The following DPP3 variants were observed in gnomAD, a reference collection of about 807,000 sequenced individuals.
DPP3 encodes the protein DPP III.
Under a neutral mutation model 89.8 loss-of-function variants are expected in DPP3, and 64 were observed. That is an observed-to-expected ratio of 0.71 (90% CI 0.58 to 0.88). DPP3 has a LOEUF of 0.88. Ranked by LOEUF, DPP3 falls within the 40% of genes least tolerant of loss-of-function variation. DPP3 has a pLI of 0.00. For missense variants in DPP3, 835 were observed against 972.5 expected (o/e 0.86, Z 1.88); for synonymous variants, 377 against 404.3 (o/e 0.93, Z 0.81).
chr11:66,491,661 C>T, intron 8 of DPP3, 37 bp downstream of exon 8: 1 of 1,607,126 alleles, frequency 6.2e-7, no homozygotes, highest in East Asian at 2.2e-5. Flanking sequence ...CCCCCTCCTG[C>T]CTGCCCCTCC....
intron 4 of DPP3, 97 bp from the exon 5 acceptor site, chr11:66,487,171 T>C (rs1855253634): frequency 1.6e-6 from 2 of 1,221,390 alleles, no homozygotes; most frequent in African/African-American, 1.5e-5. Context: ...TAGAGGCTGC[T>C]GAAAGGAGGG....
At position 66,509,426 on chromosome 11, in the gene DPP3, CA is replaced by C; in HGVS notation, c.*177del. ...CATTTGTCAGCACTTTCCAGCCTGC[CA>C]ATTGCTTCCCCTCTGTGATCTCATT... On this transcript the variant is annotated 3_prime_UTR_variant, in exon 18 of 18. Coordinates refer to ENST00000531863, the MANE Select transcript of DPP3 (RefSeq NM_130443.4). The C allele has an allele frequency of 2.0e-6, 3 of 1,532,918 alleles. No homozygotes were observed. The highest frequency in any genetic ancestry group is 2.6e-6 in the Non-Finnish European group (3 of 1,143,994). The allele number at this position is 1,532,918 out of a possible 1,614,324, so 95.0% of individuals were successfully genotyped here. A position where few individuals can be genotyped will look rare whatever the true frequency, so the allele number is the denominator to read the frequency against.
rs763359812 is a variant in DPP3 at position 66,495,211 on chromosome 11, A to C, written c.1395A>C (p.Glu465Asp). Residue 465 changes from glutamate to aspartate, a missense_variant, in exon 13 of 18, where the codon GAA (glutamate) becomes GAC (aspartate). By Grantham distance (45) the Glu-to-Asp change is conservative. Transcript: ENST00000531863. ...ACCCACCGTGTGTTCTGCAGGACGA[A>C]AAAGGAGCATTCAACTTTGACCAGG... is the stretch of plus-strand genomic sequence containing the variant. ...HGSGKLFVQD[E>D]KGAFNFDQET... 1 of 1,612,322 alleles carries C rather than the reference A, an allele frequency of 6.2e-7. No homozygotes were observed. Among genetic ancestry groups the C allele is most frequent in the Non-Finnish European group, 8.5e-7 (1 of 1,180,010 alleles).
In DPP3 at chr11:66,480,445, C is replaced by T. The variant is rs956891128; in HGVS notation, c.-29C>T. 1.4e-5 allele frequency: 21 copies of T among 1,484,406 alleles called. No individual in the cohort carries two copies. The East Asian group carries it at 2.3e-4, about 16-fold the overall frequency. 92.0% of individuals were successfully genotyped at this position (1,484,406 alleles called of 1,614,324 possible). Reference sequence around the variant, plus strand: ...GAGCCGGAAGCAGGAAGTGAGTTTGCGAACGGAGCAGCTGCTGCAGGTGAG... The same window carrying T: ...GAGCCGGAAGCAGGAAGTGAGTTTGTGAACGGAGCAGCTGCTGCAGGTGAG... On this transcript the variant is annotated 5_prime_UTR_variant, in exon 1 of 18. Transcript: ENST00000531863.
Position 66,491,476 on chromosome 11 carries a change from GA to G in DPP3, c.799-17del. ...GTGGGTGGGTGGCCCGAGGCTGACC[GA>G]CCCCCGCTCACCTCAGGCCTATGCA... is the stretch of plus-strand genomic sequence containing the variant. On this transcript the variant is annotated splice_polypyrimidine_tract_variant and intron_variant, in intron 7 of 17. Coordinates refer to ENST00000531863, the MANE Select transcript of DPP3 (RefSeq NM_130443.4). 6.3e-7 allele frequency: 1 copy of G among 1,597,134 alleles called. No homozygotes were observed. The highest frequency in any genetic ancestry group is 8.6e-7 in the Non-Finnish European group (1 of 1,169,154).
chr11:66,484,801 G>T (rs1423098647), intron 2 of DPP3, among the ~76,000 whole-genome samples: 1 of 152,138 alleles, frequency 6.6e-6, no homozygotes, highest in Non-Finnish European at 1.5e-5. Context: ...AAGGCCAGCT[G>T]CCTGACAGGT....
At chr11:66,481,648 A>G (rs1032654910) in intron 1 of DPP3, among the ~76,000 whole-genome samples, 1 of 151,770 alleles carries the variant, frequency 6.6e-6, no homozygotes, top group Non-Finnish European at 1.5e-5. Context: ...GTTAGAGTCA[A>G]TCAATTTTTT....
chr11:66,509,334 G>A lies in DPP3; in HGVS notation c.*83G>A, dbSNP rs1424031641. On this transcript the variant is annotated 3_prime_UTR_variant, in exon 18 of 18. Coordinates refer to ENST00000531863, the MANE Select transcript of DPP3 (RefSeq NM_130443.4). The stretch of plus-strand genomic sequence containing the variant: ...ATTCGTGTGTGTATTTAGGGGCTGG[G>A]GAGGGGGAGGGGCAGGAGCTTGGAC... The A allele has an allele frequency of 6.5e-7, 1 of 1,549,126 alleles. No individual in the cohort carries two copies. Among genetic ancestry groups the A allele is most frequent in the Non-Finnish European group, 8.7e-7 (1 of 1,147,184 alleles).
intron 17 of DPP3, among the ~76,000 whole-genome samples, chr11:66,507,687 G>GT (rs371473944): frequency 1.2e-3 from 150 of 125,636 alleles, no homozygotes; most frequent in African/African-American, 1.6e-3. Context: ...ACTGTAAAAA[G>GT]TTTTTTTTTT....
chr11:66,480,511 G>A, intron 1 of DPP3, 46 bp downstream of exon 1: 1 of 1,470,974 alleles, frequency 6.8e-7, no homozygotes, highest in East Asian at 2.9e-5. Context: ...GTGTCATCCC[G>A]GGGGACCAAG....
At chr11:66,502,556 G>A (rs1473191012) in intron 16 of DPP3, among the ~76,000 whole-genome samples, 2 of 151,788 alleles carry the variant, frequency 1.3e-5, no homozygotes, top group African/African-American at 2.4e-5. Flanking sequence ...TGCAAGCTCC[G>A]CCTCCCAGGT....
chr11:66,499,407 A>G (rs1395293973), intron 16 of DPP3, among the ~76,000 whole-genome samples: 1 of 152,058 alleles, frequency 6.6e-6, no homozygotes, highest in Non-Finnish European at 1.5e-5. Flanking sequence ...TTTATAACAC[A>G]TATGGTTAGG....
Position 66,509,295 on chromosome 11 carries a change from G to A in DPP3, c.*44G>A. 1 of 1,568,500 alleles carries A rather than the reference G, an allele frequency of 6.4e-7. No individual in the cohort carries two copies. The highest frequency in any genetic ancestry group is 8.7e-7 in the Non-Finnish European group (1 of 1,155,738). On this transcript the variant is annotated 3_prime_UTR_variant, in exon 18 of 18. Transcript: ENST00000531863. Reference sequence around the variant, plus strand: ...CCCCCAATTCCATCAGACCAAGGCTGCAAGTGGCCCTCCATTCGTGTGTGT... The same window carrying A: ...CCCCCAATTCCATCAGACCAAGGCTACAAGTGGCCCTCCATTCGTGTGTGT...
chr11:66,507,907 C>G (rs564339742), intron 17 of DPP3, among the ~76,000 whole-genome samples: 1 of 152,036 alleles, frequency 6.6e-6, no homozygotes, highest in Non-Finnish European at 1.5e-5. Context: ...GAACTCCTGA[C>G]CTCAAGTGAT....
At chr11:66,503,924 G>A (rs921888385) in intron 16 of DPP3, among the ~76,000 whole-genome samples, 1 of 151,998 alleles carries the variant, frequency 6.6e-6, no homozygotes, top group Admixed American at 6.6e-5. Context: ...TGGCAGTTCT[G>A]GAGGTGGGGG....
At position 66,492,640 on chromosome 11, in the gene DPP3, C is replaced by T. The variant is rs1332466219; in HGVS notation, c.989-76C>T. On this transcript the variant is annotated intron_variant, in intron 9 of 17. Transcript: ENST00000531863. Reference sequence around the variant, plus strand: ...GCATACAGTAGGCATTCAGTACATGCGTGATGGCTGGAGTAGGGTGAAGTG... The same window carrying T: ...GCATACAGTAGGCATTCAGTACATGTGTGATGGCTGGAGTAGGGTGAAGTG... 12 of 1,489,486 alleles carry T rather than the reference C, an allele frequency of 8.1e-6. No individual in the cohort carries two copies. In the East Asian group the frequency reaches 9.1e-5, roughly 11 times the overall value. 92.3% of individuals were successfully genotyped at this position (1,489,486 alleles called of 1,614,324 possible). A position where few individuals can be genotyped will look rare whatever the true frequency, so the allele number is the denominator to read the frequency against.
At chr11:66,490,818 G>A (rs1855362758) in intron 6 of DPP3, among the ~76,000 whole-genome samples, 1 of 146,674 alleles carries the variant, frequency 6.8e-6, no homozygotes, top group Non-Finnish European at 1.5e-5. Flanking sequence ...TGCCCAGGCT[G>A]GAGTGCAGCA....
intron 2 of DPP3, 82 bp downstream of exon 2, chr11:66,482,552 A>G: frequency 3.2e-6 from 5 of 1,552,334 alleles, no homozygotes; most frequent in Non-Finnish European, 4.4e-6. Context: ...GTCTCTTTCA[A>G]GGGGTAGGTG....
chr11:66,496,389 G>A (rs1351350846), intron 15 of DPP3, among the ~76,000 whole-genome samples: 2 of 151,000 alleles, frequency 1.3e-5, no homozygotes, highest in African/African-American at 2.4e-5. Flanking sequence ...GACTATAGGC[G>A]CACCACCACA....
Sources: gnomAD v4.1 joint callset for allele counts (sites outside exome capture counted in the v4.1 genomes callset) on GRCh38, gnomAD v4.1.1 for gene constraint, MANE v1.5 for transcripts, NCBI Gene and HGNC (gene_info 2026-07-23, HGNC 2026-07-21) for gene names.